The following RAMAC variants were observed in gnomAD, a reference collection of about 807,000 sequenced individuals.
RAMAC encodes RNA guanine-N7 methyltransferase activating subunit.
A neutral mutation model predicts 17.9 loss-of-function variants in RAMAC; 11 were observed. That is an observed-to-expected ratio of 0.61 (90% CI 0.39 to 1.02). RAMAC has a LOEUF of 1.02. RAMAC is among the 50% of genes least tolerant of loss of function. The pLI is 0.01. For missense variants in RAMAC, 109 were observed against 144.0 expected (o/e 0.76, Z 1.25); for synonymous variants, 27 against 48.4 (o/e 0.56, Z 1.84).
chr15:82,988,638 G>A (rs1418076878), intron 2 of RAMAC: 6 of 419,086 alleles, frequency 1.4e-5, no homozygotes, highest in African/African-American at 6.3e-5. Context: ...AAGACTTCCA[G>A]CCTAGGCAAC....
intron 3 of RAMAC, 55 bp from the exon 4 acceptor site, chr15:82,989,826 A>C: frequency 6.3e-7 from 1 of 1,594,624 alleles, no homozygotes; most frequent in Non-Finnish European, 8.6e-7. Context: ...TGGGTTTGTC[A>C]TATGTTTTTT....
In RAMAC at chr15:82,990,762, C is replaced by T; in HGVS notation, c.*695C>T. 1 of 895,942 alleles carries T rather than the reference C, an allele frequency of 1.1e-6. No homozygotes were observed. Among genetic ancestry groups the T allele is most frequent in the Non-Finnish European group, 1.8e-6 (1 of 566,346 alleles). The allele number at this position is 895,942 out of a possible 1,614,324, so 55.5% of individuals were successfully genotyped here. A position where few individuals can be genotyped will look rare whatever the true frequency, so the allele number is the denominator to read the frequency against. ...AAACACTAAAGCTTTTTGCTAACAA[C>T]ATAGCAGGTCAAAATTCACACATAA... On this transcript the variant is annotated 3_prime_UTR_variant, in exon 4 of 4. Transcript: ENST00000304191.
intron 1 of RAMAC, among the ~76,000 whole-genome samples, chr15:82,986,993 G>A (rs188151899): frequency 5.3e-5 from 8 of 152,070 alleles, no homozygotes; most frequent in Non-Finnish European, 1.0e-4. Flanking sequence ...GAGTGCAGTG[G>A]CGCGATCTCC....
chr15:82,987,607 A>G (rs761392339), intron 2 of RAMAC, among the ~76,000 whole-genome samples: 2 of 152,206 alleles, frequency 1.3e-5, no homozygotes, highest in Non-Finnish European at 2.9e-5. Flanking sequence ...AGAATTCTAG[A>G]CATGATTTTT....
intron 1 of RAMAC, among the ~76,000 whole-genome samples, chr15:82,986,816 C>T (rs1393542030): frequency 1.3e-5 from 2 of 152,222 alleles, no homozygotes; most frequent in African/African-American, 4.8e-5. Context: ...TGTATTCATA[C>T]TTGAACTATT....
chr15:82,987,084 A>AT (rs1239254826), intron 1 of RAMAC, among the ~76,000 whole-genome samples: 2 of 151,950 alleles, frequency 1.3e-5, no homozygotes, highest in African/African-American at 4.8e-5. Context: ...CGCCTGGCTA[A>AT]TTTTTTCTAT....
chr15:82,989,826 A>AT, intron 3 of RAMAC, 55 bp from the exon 4 acceptor site: 1 of 1,594,624 alleles, frequency 6.3e-7, no homozygotes, highest in African/African-American at 1.3e-5. Context: ...TGGGTTTGTC[A>AT]TATGTTTTTT....
chr15:82,990,904 C>G lies in RAMAC; in HGVS notation c.*837C>G. On this transcript the variant is annotated 3_prime_UTR_variant, in exon 4 of 4. Coordinates refer to ENST00000304191, the MANE Select transcript of RAMAC (RefSeq NM_031452.4). Reference sequence around the variant, plus strand: ...TGATTTTACAATGTTATATTCACTTCCAGATGCATACCTCTGCTGCTTTCT... The same window carrying G: ...TGATTTTACAATGTTATATTCACTTGCAGATGCATACCTCTGCTGCTTTCT... 1 of 398,956 alleles carries G rather than the reference C, an allele frequency of 2.5e-6. No homozygotes were observed. The highest frequency in any genetic ancestry group is 4.5e-6 in the Non-Finnish European group (1 of 221,392). The allele number at this position is 398,956 out of a possible 1,614,324, so 24.7% of individuals were successfully genotyped here. A position where few individuals can be genotyped will look rare whatever the true frequency, so the allele number is the denominator to read the frequency against.
intron 1 of RAMAC, 44 bp from the exon 2 acceptor site, chr15:82,987,292 G>C (rs1389511079): frequency 6.6e-6 from 1 of 152,116 alleles, no homozygotes; most frequent in Admixed American, 6.5e-5. Flanking sequence ...CACCTTTTGA[G>C]AGTTTCCTTA....
chr15:82,988,863 A>T, intron 2 of RAMAC, 147 bp from the exon 3 acceptor site: 2 of 711,098 alleles, frequency 2.8e-6, no homozygotes, highest in Admixed American at 6.4e-5. Context: ...GTTGAATTCA[A>T]TATCTAAAAT....
In RAMAC at chr15:82,989,112, C is replaced by T. The variant is rs1344060560; in HGVS notation, c.94C>T (p.Arg32Cys). 34 of 1,613,686 alleles carry T rather than the reference C, an allele frequency of 2.1e-5. No individual in the cohort carries two copies. The highest frequency in any genetic ancestry group is 2.7e-5 in the African/African-American group (2 of 74,888). ...CAAGGAGTATCAGGAATACCTGAAA[C>T]GCCCTCCTGAGTCTCCTCCAATTGT... ...NDKEYQEYLK[R>C]PPESPPIVEE... Residue 32 changes from arginine (R) to cysteine (C), a missense_variant, in exon 3 of 4, where the codon CGC (arginine) becomes TGC (cysteine). Coordinates refer to ENST00000304191, the MANE Select transcript of RAMAC (RefSeq NM_031452.4).
At chr15:82,988,190 T>C (rs2030705643) in intron 2 of RAMAC, among the ~76,000 whole-genome samples, 1 of 151,130 alleles carries the variant, frequency 6.6e-6, no homozygotes, top group African/African-American at 2.4e-5. Flanking sequence ...ATTAGCTGGG[T>C]GTGGTGGCGC....
chr15:82,987,599 A>C (rs995579740), intron 2 of RAMAC, among the ~76,000 whole-genome samples: 10 of 152,282 alleles, frequency 6.6e-5, no homozygotes, highest in African/African-American at 2.4e-4. Context: ...ATCCCACTAG[A>C]ATTCTAGACA....
intron 1 of RAMAC, among the ~76,000 whole-genome samples, chr15:82,986,703 A>G (rs1266692080): frequency 6.6e-6 from 1 of 152,188 alleles, no homozygotes; most frequent in African/African-American, 2.4e-5. Flanking sequence ...AGTCGCCCGC[A>G]GCCAAAGTTC....
At chr15:82,987,706 T>A (rs1012140276) in intron 2 of RAMAC, among the ~76,000 whole-genome samples, 2 of 152,172 alleles carry the variant, frequency 1.3e-5, no homozygotes, top group African/African-American at 4.8e-5. Flanking sequence ...GTCTGATATT[T>A]GGTATTTGAT....
rs765026029 is a variant in RAMAC, at chr15:82,989,184, A to C, written c.166A>C (p.Asn56His). 2.2e-5 allele frequency: 35 copies of C among 1,612,288 alleles called. No homozygotes were observed. In the South Asian group the frequency reaches 3.9e-4, roughly 18 times the overall value. ...TGGTGGGAACCAAAGAAACAGAGGCAATCGGTGTGTATTCAAAAGAATAAA... is the reference window on the plus strand; with the variant it reads ...TGGTGGGAACCAAAGAAACAGAGGCCATCGGTGTGTATTCAAAAGAATAAA... ...RAGGNQRNRG[N>H]RLQDNRQFRG... The change falls in exon 3 of 4, where the codon AAT becomes CAT. Residue 56 changes from asparagine (N) to histidine (H), a missense_variant. Transcript: ENST00000304191.
chr15:82,990,553 T>TTTTTGCA lies in RAMAC; in HGVS notation c.*490_*496dup, dbSNP rs1323912353. On this transcript the variant is annotated 3_prime_UTR_variant, in exon 4 of 4. Transcript: ENST00000304191. ...AAGGTAAAACAATTGCTTTTTTTTT[T>TTTTTGCA]TTTTGCATTTGTTAAGTGACTATGG... 4 of 1,029,448 alleles carry TTTTTGCA rather than the reference T, an allele frequency of 3.9e-6. No individual in the cohort carries two copies. The Middle Eastern group carries it at 9.0e-4, about 231-fold the overall frequency. The allele number at this position is 1,029,448 out of a possible 1,614,324, so 63.8% of individuals were successfully genotyped here. A position where few individuals can be genotyped will look rare whatever the true frequency, so the allele number is the denominator to read the frequency against.
At chr15:82,987,868 T>C (rs1042117987) in intron 2 of RAMAC, among the ~76,000 whole-genome samples, 3 of 150,880 alleles carry the variant, frequency 2.0e-5, no homozygotes, top group Non-Finnish European at 4.4e-5. Context: ...GATGAAACCC[T>C]GTCTCTACTA....
intron 2 of RAMAC, among the ~76,000 whole-genome samples, chr15:82,988,109 G>A (rs781185675): frequency 1.3e-5 from 2 of 151,478 alleles, no homozygotes; most frequent in Non-Finnish European, 2.9e-5. Context: ...GGCCAAAGCG[G>A]GCGGATTATG....
Sources: allele counts gnomAD v4.1 joint callset (sites outside exome capture counted in the v4.1 genomes callset), GRCh38; gene constraint gnomAD v4.1.1; transcripts MANE v1.5; gene names NCBI Gene and HGNC (gene_info 2026-07-23, HGNC 2026-07-21).